Variants in UGT1A7 observed in about 807,000 individuals in gnomAD.
UGT1A7 encodes UDP-glucuronosyltransferase 1A7.
A neutral mutation model predicts 45.6 loss-of-function variants in UGT1A7; 33 were observed. The observed-to-expected ratio is 0.72, with a 90% CI of 0.55 to 0.97. The LOEUF (loss-of-function observed/expected upper bound fraction) is 0.97, where lower values mean the gene tolerates loss of function less well. Ranked by LOEUF, UGT1A7 falls within the 50% of genes least tolerant of loss-of-function variation. The pLI, the probability that UGT1A7 is intolerant of heterozygous loss-of-function variation, is 0.00. For synonymous variants in UGT1A7, 274 were observed against 250.6 expected (o/e 1.09, Z -0.88); for missense variants, 684 against 666.2 (o/e 1.03, Z -0.29).
At chr2:233,689,514 G>T (rs2074948140) in intron 1 of UGT1A7, among the ~76,000 whole-genome samples, 1 of 152,216 alleles carries the variant, frequency 6.6e-6, no homozygotes, top group South Asian at 2.1e-4. Flanking sequence ...GTTACACATT[G>T]GTTTGGTCAT....
intron 1 of UGT1A7, chr2:233,713,942 C>T (rs2076357751): frequency 6.2e-7 from 1 of 1,610,038 alleles, no homozygotes; most frequent in Non-Finnish European, 8.5e-7. Context: ...GCTTCCATAT[C>T]TACTTATCTT....
intron 1 of UGT1A7, chr2:233,721,797 A>C (rs7597496): frequency 3.9e-6 from 2 of 511,786 alleles, no homozygotes; most frequent in African/African-American, 3.9e-5. Context: ...TTTAAAGCAC[A>C]TGCAGCAAAA....
At chr2:233,753,723 TATGCCCC>T (rs1654919100) in intron 1 of UGT1A7, 1 of 152,226 alleles carries the variant, frequency 6.6e-6, no homozygotes, top group Non-Finnish European at 1.5e-5. Flanking sequence ...CCTAATTTGA[TATGCCCC>T]AAGCACAGCA....
chr2:233,719,338 G>T (rs546499527), intron 1 of UGT1A7: 33 of 1,613,808 alleles, frequency 2.0e-5, no homozygotes, highest in South Asian at 1.1e-4. Flanking sequence ...GTGTTTTTTT[G>T]GAGGTACATT....
At chr2:233,694,947 T>A (rs1431838527) in intron 1 of UGT1A7, among the ~76,000 whole-genome samples, 1 of 152,222 alleles carries the variant, frequency 6.6e-6, no homozygotes, top group Non-Finnish European at 1.5e-5. Flanking sequence ...AATTGAGATA[T>A]CCATCACCTT....
chr2:233,731,290 T>TC (rs2078133988), intron 1 of UGT1A7, among the ~76,000 whole-genome samples: 1 of 151,998 alleles, frequency 6.6e-6, no homozygotes, highest in Non-Finnish European at 1.5e-5. Context: ...CTTTCTTTTT[T>TC]TTTTTTTTAT....
chr2:233,730,518 T>A (rs1423750757), intron 1 of UGT1A7, among the ~76,000 whole-genome samples: 1 of 152,032 alleles, frequency 6.6e-6, no homozygotes, highest in South Asian at 2.1e-4. Context: ...TCAGTGGAAG[T>A]GGGGCAATGA....
chr2:233,728,104 A>G (rs1180093047), intron 1 of UGT1A7, among the ~76,000 whole-genome samples: 1 of 152,120 alleles, frequency 6.6e-6, no homozygotes, highest in Admixed American at 6.5e-5. Flanking sequence ...CACATATTTA[A>G]TTCTCCATCT....
At chr2:233,740,771 A>G (rs1027399973) in intron 1 of UGT1A7, 1 of 151,854 alleles carries the variant, frequency 6.6e-6, no homozygotes, top group African/African-American at 2.4e-5. Context: ...AAACCGTTGT[A>G]TAAAAGATGA....
chr2:233,685,608 A>G (rs1180252725), intron 1 of UGT1A7, among the ~76,000 whole-genome samples: 1 of 152,228 alleles, frequency 6.6e-6, no homozygotes, highest in Non-Finnish European at 1.5e-5. Flanking sequence ...AAGATTATTT[A>G]TTTCAACTTT....
intron 1 of UGT1A7, among the ~76,000 whole-genome samples, chr2:233,759,283 A>C (rs562983605): frequency 1.3e-5 from 2 of 152,282 alleles, no homozygotes; most frequent in East Asian, 3.9e-4. Flanking sequence ...TGATTGGTTG[A>C]TGAAGCTGAG....
At chr2:233,755,221 C>T (rs1695818847) in intron 1 of UGT1A7, 1 of 995,834 alleles carries the variant, frequency 1.0e-6, no homozygotes. Context: ...TTGATACCCT[C>T]GGACGAGGCC....
At chr2:233,736,086 A>G (rs1432268125) in intron 1 of UGT1A7, among the ~76,000 whole-genome samples, 1 of 152,152 alleles carries the variant, frequency 6.6e-6, no homozygotes, top group Admixed American at 6.5e-5. Flanking sequence ...GTTCTCCTGG[A>G]TAATATCCTG....
At chr2:233,733,842 C>T (rs543682196) in intron 1 of UGT1A7, among the ~76,000 whole-genome samples, 2 of 152,138 alleles carry the variant, frequency 1.3e-5, no homozygotes, top group South Asian at 4.2e-4. Context: ...GGAGGATTCC[C>T]TCTTTTTCTA....
chr2:233,738,483 T>C (rs1690800032), intron 1 of UGT1A7, among the ~76,000 whole-genome samples: 1 of 152,200 alleles, frequency 6.6e-6, no homozygotes, highest in African/African-American at 2.4e-5. Flanking sequence ...CCTGGAGACT[T>C]GTTGAACGGT....
rs140117903 is a variant in UGT1A7, at chr2:233,736,068, T to A, written c.856-30966T>A. On this transcript the variant is annotated intron_variant, in intron 1 of 4. Transcript: ENST00000373426. ...TTGAATGTTGGCCTGCCTTGCTAGG[T>A]TTGGGAAGTTCTCCTGGATAATATC... Among the ~76,000 whole-genome samples, 1,506 of 152,332 alleles carry A rather than the reference T, an allele frequency of 9.9e-3. 21 individuals carry two copies. Among genetic ancestry groups the A allele is most frequent in the African/African-American group, 0.035 (1,437 of 41,570 alleles).
intron 4 of UGT1A7, chr2:233,771,032 G>A (rs560864303): frequency 1.4e-4 from 22 of 152,232 alleles, no homozygotes; most frequent in African/African-American, 4.8e-4. Flanking sequence ...AGTTGGGGGG[G>A]AAGGTGCCAC....
intron 4 of UGT1A7, among the ~76,000 whole-genome samples, chr2:233,771,773 T>C (rs1700376889): frequency 6.6e-6 from 1 of 152,072 alleles, no homozygotes; most frequent in Non-Finnish European, 1.5e-5. Context: ...CGTCCCTCTC[T>C]CCTTTCCTCT....
intron 1 of UGT1A7, among the ~76,000 whole-genome samples, chr2:233,753,898 C>T (rs1695337682): frequency 6.6e-6 from 1 of 152,234 alleles, no homozygotes; most frequent in Non-Finnish European, 1.5e-5. Context: ...AAGGAACATG[C>T]TTCTTACACC....
Sources: allele counts gnomAD v4.1 joint callset (sites outside exome capture counted in the v4.1 genomes callset), GRCh38; gene constraint gnomAD v4.1.1; transcripts MANE v1.5; gene names NCBI Gene and HGNC (gene_info 2026-07-23, HGNC 2026-07-21).